The following L3HYPDH variants were observed in gnomAD, a reference collection of about 807,000 sequenced individuals.
The protein encoded by L3HYPDH is trans-L-3-hydroxyproline dehydratase.
Under a neutral mutation model 26.5 loss-of-function variants are expected in L3HYPDH, and 32 were observed. That is an observed-to-expected ratio of 1.21 (90% CI 0.91 to 1.62). The LOEUF is 1.62. Among genes scored for constraint, L3HYPDH ranks in the 40% most tolerant of loss-of-function variants. The pLI is 0.00. For synonymous variants in L3HYPDH, 215 were observed against 196.6 expected (o/e 1.09, Z -0.78); for missense variants, 554 against 476.4 (o/e 1.16, Z -1.52).
At chr14:59,487,697 G>A (rs1168721313), upstream of L3HYPDH, 5 of 1,612,910 alleles carry the variant, frequency 3.1e-6, no homozygotes, top group East Asian at 4.5e-5. Context: ...GACAGAGAAC[G>A]AATGCACAGA....
downstream of L3HYPDH, among the ~76,000 whole-genome samples, chr14:59,469,558 T>TAAAAAAAA (rs36113229): frequency 2.3e-5 from 1 of 43,310 alleles, no homozygotes; most frequent in Non-Finnish European, 3.8e-5. Context: ...TCCATCTCAT[T>TAAAAAAAA]AAAAAAAAAA....
chr14:59,482,811 T>A (rs1433123135), intron 1 of L3HYPDH, among the ~76,000 whole-genome samples: 1 of 152,244 alleles, frequency 6.6e-6, no homozygotes, highest in Non-Finnish European at 1.5e-5. Flanking sequence ...ATGATTTGCA[T>A]GGCTTGAAGA....
At chr14:59,473,170 T>A (rs1889386994) in intron 4 of L3HYPDH, 80 bp from the exon 5 acceptor site, 1 of 1,347,576 alleles carries the variant, frequency 7.4e-7, no homozygotes. Flanking sequence ...CTCTTGACTT[T>A]TATCATGTGA....
At chr14:59,497,018 A>T in the L3HYPDH span, among the ~76,000 whole-genome samples, 2 of 149,136 alleles carry the variant, frequency 1.3e-5, no homozygotes, top group Admixed American at 6.6e-5. Flanking sequence ...TTTTTTTGCA[A>T]GTCAACAAAA....
chr14:59,477,579 A>G (rs1289221504), intron 2 of L3HYPDH, among the ~76,000 whole-genome samples: 1 of 152,194 alleles, frequency 6.6e-6, no homozygotes, highest in Non-Finnish European at 1.5e-5. Context: ...TTCATGAAAA[A>G]TTAGGAGAAA....
chr14:59,488,121 G>A (rs768873977), upstream of L3HYPDH, among the ~76,000 whole-genome samples: 10 of 151,588 alleles, frequency 6.6e-5, no homozygotes, highest in Middle Eastern at 3.2e-3. Context: ...ATGATTACAA[G>A]CTATTTATTG....
At chr14:59,504,330 C>G in the L3HYPDH span, 1 of 436,668 alleles carries the variant, frequency 2.3e-6, no homozygotes, top group Non-Finnish European at 4.1e-6. Context: ...CTTCTCTCAA[C>G]AGTTCAGCTG....
chr14:59,492,889 C>A, the L3HYPDH span, among the ~76,000 whole-genome samples: 18 of 151,620 alleles, frequency 1.2e-4, no homozygotes, highest in East Asian at 3.5e-3. Flanking sequence ...GCTTCGCCTC[C>A]CAGGTTCACG....
chr14:59,484,584 C>G, upstream of L3HYPDH: 1 of 1,576,732 alleles, frequency 6.3e-7, no homozygotes, highest in East Asian at 2.3e-5. Flanking sequence ...AACCTTCAGG[C>G]GGCCCATGGG....
At chr14:59,471,041 G>C (rs1311158727), downstream of L3HYPDH, among the ~76,000 whole-genome samples, 5 of 151,332 alleles carry the variant, frequency 3.3e-5, no homozygotes, top group Middle Eastern at 6.8e-3. Flanking sequence ...GGAAGGGATA[G>C]ATGTGAGCAG....
chr14:59,469,280 C>T (rs117974334), downstream of L3HYPDH, among the ~76,000 whole-genome samples: 7,420 of 152,044 alleles, frequency 0.049, 225 homozygotes, highest in Non-Finnish European at 0.071. Context: ...GGAGGCCAGG[C>T]GCGGTGGCTC....
At chr14:59,494,961 T>G in the L3HYPDH span, 1 of 1,223,304 alleles carries the variant, frequency 8.2e-7, no homozygotes, top group Non-Finnish European at 1.2e-6. Flanking sequence ...CATGTTTTAT[T>G]AAAGCCATTT....
At chr14:59,499,015 C>CTTTTTTTTTTTTTTTTTTTTT in the L3HYPDH span, 1 of 124,364 alleles carries the variant, frequency 8.0e-6, no homozygotes, top group Middle Eastern at 2.9e-3. Flanking sequence ...TTGTTTAATC[C>CTTTTTTTTTTTTTTTTTTTTT]TTTTTTTTTT....
chr14:59,484,327 G>A lies in L3HYPDH; in HGVS notation c.-11C>T, dbSNP rs758105021. 10 of 1,575,258 alleles carry A rather than the reference G, an allele frequency of 6.3e-6. No individual in the cohort carries two copies. Among genetic ancestry groups the A allele is most frequent in the East Asian group, 2.2e-5 (1 of 44,652 alleles). On this transcript the variant is annotated 5_prime_UTR_variant, in exon 1 of 5. Transcript: ENST00000247194. ...CAGCGCGCTCTCCATGGTCTGCGTC[G>A]GGGGAGACGAGTACGGTCCCGCAGC...
the L3HYPDH span, among the ~76,000 whole-genome samples, chr14:59,502,750 A>AAT: frequency 2.0e-4 from 1 of 4,908 alleles, no homozygotes; most frequent in African/African-American, 3.5e-4. Context: ...ATAAAATGAG[A>AAT]TTTTTTTTTT....
the L3HYPDH span, chr14:59,503,781 T>A: frequency 1.2e-6 from 1 of 843,228 alleles, no homozygotes. Context: ...TATATTAAGT[T>A]ATATTAAATT....
chr14:59,490,153 C>T, the L3HYPDH span, among the ~76,000 whole-genome samples: 32 of 152,176 alleles, frequency 2.1e-4, no homozygotes, highest in African/African-American at 5.8e-4. Context: ...ATCTCCTGGG[C>T]GCAAGCAGTC....
At chr14:59,480,092 GC>G (rs1468281650) in intron 1 of L3HYPDH, among the ~76,000 whole-genome samples, 72 of 152,274 alleles carry the variant, frequency 4.7e-4, no homozygotes, top group African/African-American at 1.6e-3. Context: ...ATTTAAGCTA[GC>G]TTGGTGATCA....
chr14:59,467,839 A>C (rs549079097), downstream of L3HYPDH, among the ~76,000 whole-genome samples: 4 of 152,114 alleles, frequency 2.6e-5, 1 homozygote, highest in South Asian at 8.3e-4. Context: ...CCAAAAACTT[A>C]AGAGTTTTCC....
Sources: allele counts gnomAD v4.1 joint callset (sites outside exome capture counted in the v4.1 genomes callset), GRCh38; gene constraint gnomAD v4.1.1; transcripts MANE v1.5; gene names NCBI Gene and HGNC (gene_info 2026-07-23, HGNC 2026-07-21).